The following LRRC4C variants were observed in gnomAD, a reference collection of about 807,000 sequenced individuals.
LRRC4C encodes the protein leucine-rich repeat-containing protein 4C.
In LRRC4C, 5 loss-of-function variants were observed where a neutral mutation model predicts 33.6. The observed-to-expected ratio is 0.15, with a 90% CI of 0.08 to 0.31. LRRC4C has a LOEUF of 0.31. Ranked by LOEUF, LRRC4C falls within the 10% of genes least tolerant of loss-of-function variation. LRRC4C has a pLI of 1.00. For synonymous variants in LRRC4C, 329 were observed against 302.0 expected (o/e 1.09, Z -0.93); for missense variants, 560 against 796.7 (o/e 0.70, Z 3.58).
intron 3 of LRRC4C, among the ~76,000 whole-genome samples, chr11:40,337,252 G>A (rs1410429071): frequency 6.6e-6 from 1 of 152,212 alleles, no homozygotes; most frequent in Admixed American, 6.5e-5. Context: ...GAGAGAATCA[G>A]AGGACAGACC....
intron 2 of LRRC4C, among the ~76,000 whole-genome samples, chr11:40,886,965 T>TTC (rs1955492068): frequency 6.8e-6 from 1 of 147,424 alleles, no homozygotes; most frequent in Non-Finnish European, 1.5e-5. Flanking sequence ...TGTGTATATA[T>TTC]ATACATATAT....
intron 1 of LRRC4C, among the ~76,000 whole-genome samples, chr11:41,117,326 T>C (rs1942184827): frequency 6.6e-6 from 1 of 152,108 alleles, no homozygotes; most frequent in Non-Finnish European, 1.5e-5. Flanking sequence ...GGTTTACTGA[T>C]ACAAATTTTA....
chr11:41,027,951 A>T (rs1489923948), intron 1 of LRRC4C, among the ~76,000 whole-genome samples: 1 of 151,652 alleles, frequency 6.6e-6, no homozygotes, highest in Non-Finnish European at 1.5e-5. Flanking sequence ...TTAAAACTCA[A>T]ACAGTAATTT....
At chr11:40,877,788 C>G (rs552597588) in intron 2 of LRRC4C, among the ~76,000 whole-genome samples, 6 of 152,148 alleles carry the variant, frequency 3.9e-5, no homozygotes, top group Non-Finnish European at 5.9e-5. Context: ...CAACAAACTC[C>G]AAAGGCTTGT....
intron 1 of LRRC4C, among the ~76,000 whole-genome samples, chr11:41,273,750 C>CACAAA (rs972263465): frequency 4.6e-5 from 7 of 152,040 alleles, no homozygotes; most frequent in Admixed American, 1.3e-4. Context: ...CCATTTTTAC[C>CACAAA]ACAAAACAAA....
intron 1 of LRRC4C, among the ~76,000 whole-genome samples, chr11:40,962,693 AT>A (rs1851058651): frequency 6.6e-6 from 1 of 151,754 alleles, no homozygotes; most frequent in Non-Finnish European, 1.5e-5. Flanking sequence ...TATGTAGAAT[AT>A]TATTCACATC....
intron 1 of LRRC4C, among the ~76,000 whole-genome samples, chr11:41,125,103 C>T (rs925024397): frequency 6.6e-6 from 1 of 152,086 alleles, no homozygotes; most frequent in Non-Finnish European, 1.5e-5. Context: ...TAGCCCCACC[C>T]AGAATTGCTC....
At chr11:41,452,886 TATC>T (rs1022679170) in intron 1 of LRRC4C, among the ~76,000 whole-genome samples, 1 of 152,154 alleles carries the variant, frequency 6.6e-6, no homozygotes, top group African/African-American at 2.4e-5. Flanking sequence ...GCTAAGTTAT[TATC>T]ATAATTACTA....
chr11:41,162,593 T>C (rs1321127361), intron 1 of LRRC4C, among the ~76,000 whole-genome samples: 5 of 152,190 alleles, frequency 3.3e-5, no homozygotes, highest in African/African-American at 9.6e-5. Flanking sequence ...ACCTGTACGG[T>C]ATGTTATTGT....
At chr11:40,890,400 T>A (rs962078695) in intron 2 of LRRC4C, among the ~76,000 whole-genome samples, 5 of 152,058 alleles carry the variant, frequency 3.3e-5, no homozygotes, top group Non-Finnish European at 7.4e-5. Flanking sequence ...TCTGTCATGA[T>A]TATAAACTCA....
intron 2 of LRRC4C, among the ~76,000 whole-genome samples, chr11:40,786,833 A>T (rs1046515754): frequency 1.3e-5 from 2 of 152,146 alleles, no homozygotes; most frequent in Non-Finnish European, 2.9e-5. Flanking sequence ...TACAAGTTCC[A>T]AATCTTCATT....
chr11:41,127,572 A>G (rs1233871610), intron 1 of LRRC4C, among the ~76,000 whole-genome samples: 2 of 152,118 alleles, frequency 1.3e-5, no homozygotes, highest in African/African-American at 2.4e-5. Context: ...TCACCAAAAT[A>G]TATTTTTCTC....
chr11:41,343,726 T>A (rs1951712462), intron 1 of LRRC4C, among the ~76,000 whole-genome samples: 1 of 152,178 alleles, frequency 6.6e-6, no homozygotes, highest in South Asian at 2.1e-4. Flanking sequence ...TAAAATCACA[T>A]ATTTATTTTT....
chr11:41,042,080 T>C (rs1857472491), intron 1 of LRRC4C, among the ~76,000 whole-genome samples: 1 of 152,162 alleles, frequency 6.6e-6, no homozygotes, highest in Non-Finnish European at 1.5e-5. Context: ...ACTAAAATGG[T>C]TTACAGTTAT....
intron 2 of LRRC4C, among the ~76,000 whole-genome samples, chr11:40,803,732 C>A (rs1951136690): frequency 6.6e-6 from 1 of 152,154 alleles, no homozygotes; most frequent in Non-Finnish European, 1.5e-5. Context: ...CTCGGCCTCC[C>A]AAAGTGCTGG....
chr11:40,802,401 T>G (rs891597127), intron 2 of LRRC4C, among the ~76,000 whole-genome samples: 1 of 151,926 alleles, frequency 6.6e-6, no homozygotes, highest in East Asian at 1.9e-4. Context: ...TTTCCTGGAC[T>G]GAGAACAGGG....
At chr11:41,175,279 A>G (rs1418299932) in intron 1 of LRRC4C, among the ~76,000 whole-genome samples, 1 of 152,164 alleles carries the variant, frequency 6.6e-6, no homozygotes, top group African/African-American at 2.4e-5. Flanking sequence ...GTCTATCAAA[A>G]AGTCATTTTA....
chr11:41,291,990 C>T (rs1345577340), intron 1 of LRRC4C, among the ~76,000 whole-genome samples: 3 of 152,098 alleles, frequency 2.0e-5, no homozygotes, highest in Non-Finnish European at 4.4e-5. Context: ...TTAGATCATT[C>T]CAAAGTGTTT....
intron 1 of LRRC4C, among the ~76,000 whole-genome samples, chr11:41,316,785 G>A (rs1488039754): frequency 6.6e-6 from 1 of 152,196 alleles, no homozygotes; most frequent in Admixed American, 6.5e-5. Flanking sequence ...CAACCACTCT[G>A]TATCAGAATT....
Sources: gnomAD v4.1 joint callset for allele counts (sites outside exome capture counted in the v4.1 genomes callset) on GRCh38, gnomAD v4.1.1 for gene constraint, MANE v1.5 for transcripts, NCBI Gene and HGNC (gene_info 2026-07-23, HGNC 2026-07-21) for gene names.